Variants in GPC6 observed in about 807,000 individuals in gnomAD.
GPC6 encodes the protein glypican-6.
In GPC6, 14 loss-of-function variants were observed where a neutral mutation model predicts 55.2. The ratio of observed to expected loss-of-function variants is 0.25; its 90% CI spans 0.17 to 0.40. GPC6 has a LOEUF of 0.40. Among genes scored for constraint, GPC6 ranks in the 10% least tolerant of loss-of-function variants. The probability of loss-of-function intolerance (pLI) is 1.00; values close to 1 mark genes in which losing one functional copy is unlikely to be tolerated. For synonymous variants in GPC6, 278 were observed against 259.6 expected (o/e 1.07, Z -0.68); for missense variants, 641 against 708.5 (o/e 0.90, Z 1.08).
At chr13:93,560,794 A>G (rs1159123093) in intron 2 of GPC6, among the ~76,000 whole-genome samples, 1 of 151,950 alleles carries the variant, frequency 6.6e-6, no homozygotes, top group Non-Finnish European at 1.5e-5. Flanking sequence ...AATTTTGCTC[A>G]ATATCCAGCA....
intron 3 of GPC6, among the ~76,000 whole-genome samples, chr13:93,912,525 C>G (rs1343681852): frequency 2.0e-5 from 3 of 152,186 alleles, no homozygotes; most frequent in East Asian, 1.9e-4. Flanking sequence ...GGGCGGATCA[C>G]AAGGTCAGGA....
chr13:93,484,219 CA>C (rs988762056), intron 1 of GPC6, among the ~76,000 whole-genome samples: 3 of 152,094 alleles, frequency 2.0e-5, no homozygotes, highest in Non-Finnish European at 4.4e-5. Context: ...TTTACATTAT[CA>C]TCCTTGTTTT....
At chr13:93,775,871 A>G (rs1885449248) in intron 2 of GPC6, among the ~76,000 whole-genome samples, 1 of 152,156 alleles carries the variant, frequency 6.6e-6, no homozygotes, top group South Asian at 2.1e-4. Flanking sequence ...GTCAGAAAAT[A>G]ATTCTCTGAA....
intron 4 of GPC6, among the ~76,000 whole-genome samples, chr13:94,277,975 T>G (rs1209285267): frequency 6.6e-6 from 1 of 152,202 alleles, no homozygotes; most frequent in African/African-American, 2.4e-5. Flanking sequence ...TTGTGAAGAA[T>G]GTCAATGGCA....
chr13:94,314,457 C>T (rs1285793841), intron 6 of GPC6, among the ~76,000 whole-genome samples: 2 of 152,168 alleles, frequency 1.3e-5, no homozygotes, highest in Non-Finnish European at 2.9e-5. Flanking sequence ...CAGTCAGATG[C>T]AAAAGTCCAT....
chr13:94,319,052 C>T (rs1367072951), intron 6 of GPC6, among the ~76,000 whole-genome samples: 1 of 152,038 alleles, frequency 6.6e-6, no homozygotes, highest in African/African-American at 2.4e-5. Flanking sequence ...TCAATTGGAA[C>T]ACTTAGTTCA....
intron 6 of GPC6, among the ~76,000 whole-genome samples, chr13:94,359,415 A>C (rs1453212476): frequency 6.6e-6 from 1 of 152,182 alleles, no homozygotes; most frequent in Non-Finnish European, 1.5e-5. Flanking sequence ...AATACAAAAA[A>C]TAATATCAGT....
chr13:93,989,860 T>A (rs1057098291), intron 3 of GPC6, among the ~76,000 whole-genome samples: 1 of 151,132 alleles, frequency 6.6e-6, no homozygotes, highest in African/African-American at 2.4e-5. Flanking sequence ...AAGAGTCAGT[T>A]TTCCACAGAA....
At position 93,692,396 on chromosome 13, in the gene GPC6, A is replaced by G. The variant is rs564514908; in HGVS notation, c.320-137758A>G. On this transcript the variant is annotated intron_variant, in intron 2 of 8. Coordinates refer to ENST00000377047, the MANE Select transcript of GPC6 (RefSeq NM_005708.5). ...TACAATGTTTGAAGAAAAGTATACTATAAGTTTTTATTAAGTCATATAATT... is the reference window on the plus strand; with the variant it reads ...TACAATGTTTGAAGAAAAGTATACTGTAAGTTTTTATTAAGTCATATAATT... Among the ~76,000 whole-genome samples the G allele has an allele frequency of 2.0e-3, 300 of 152,216 alleles. 1 individual carries two copies. Among genetic ancestry groups the G allele is most frequent in the African/African-American group, 6.3e-3 (264 of 41,578 alleles).
intron 4 of GPC6, among the ~76,000 whole-genome samples, chr13:94,028,732 T>G (rs530495212): frequency 6.6e-6 from 1 of 151,872 alleles, no homozygotes; most frequent in Admixed American, 6.6e-5. Context: ...GGCAGGGAGG[T>G]GGGGAGAATG....
chr13:93,890,950 A>G (rs1875646903), intron 3 of GPC6, among the ~76,000 whole-genome samples: 1 of 152,058 alleles, frequency 6.6e-6, no homozygotes, highest in African/African-American at 2.4e-5. Flanking sequence ...TCTGTTAATC[A>G]AATTTATCTC....
intron 2 of GPC6, among the ~76,000 whole-genome samples, chr13:93,774,039 C>T (rs1349189401): frequency 2.0e-5 from 3 of 152,308 alleles, no homozygotes; most frequent in Admixed American, 1.3e-4. Context: ...GGAACCAATA[C>T]TTCTGACAGA....
At chr13:94,305,806 G>T (rs534166739) in intron 5 of GPC6, among the ~76,000 whole-genome samples, 174 bp from the exon 6 acceptor site, 1 of 152,278 alleles carries the variant, frequency 6.6e-6, no homozygotes, top group South Asian at 2.1e-4. Flanking sequence ...ATCTGTCTGG[G>T]TAATTCTTTC....
intron 5 of GPC6, among the ~76,000 whole-genome samples, chr13:94,298,664 A>T (rs1041117117): frequency 2.6e-5 from 4 of 152,200 alleles, no homozygotes; most frequent in South Asian, 2.1e-4. Context: ...GGCTATTATC[A>T]ACTGATCAGG....
chr13:94,211,950 T>A (rs895436315), intron 4 of GPC6, among the ~76,000 whole-genome samples: 14 of 152,316 alleles, frequency 9.2e-5, no homozygotes, highest in African/African-American at 2.2e-4. Context: ...AAATTCTTGG[T>A]TAAGGGGGCT....
chr13:94,040,132 C>G (rs1249317453), intron 4 of GPC6, among the ~76,000 whole-genome samples: 1 of 151,780 alleles, frequency 6.6e-6, no homozygotes, highest in Non-Finnish European at 1.5e-5. Flanking sequence ...TGCACGAAAT[C>G]TAGAATTACG....
intron 3 of GPC6, among the ~76,000 whole-genome samples, chr13:93,883,058 C>T (rs1875094169): frequency 6.6e-6 from 1 of 151,274 alleles, no homozygotes; most frequent in African/African-American, 2.4e-5. Context: ...TCCAAATTCC[C>T]CAGAGAATTT....
At chr13:94,049,312 C>G (rs1883851323) in intron 4 of GPC6, among the ~76,000 whole-genome samples, 1 of 151,898 alleles carries the variant, frequency 6.6e-6, no homozygotes, top group African/African-American at 2.4e-5. Context: ...CCCAACCCCC[C>G]ACTGATCCTA....
intron 4 of GPC6, among the ~76,000 whole-genome samples, chr13:94,257,795 C>G (rs971546001): frequency 8.5e-4 from 129 of 152,228 alleles, no homozygotes; most frequent in African/African-American, 3.0e-3. Flanking sequence ...CAAAAGAGAC[C>G]ATTAACCCCA....
Sources: allele counts gnomAD v4.1 joint callset (sites outside exome capture counted in the v4.1 genomes callset), GRCh38; gene constraint gnomAD v4.1.1; transcripts MANE v1.5; gene names NCBI Gene and HGNC (gene_info 2026-07-23, HGNC 2026-07-21).